The following CEP170B variants were observed in gnomAD, a reference collection of about 807,000 sequenced individuals.
CEP170B encodes the protein centrosomal protein of 170 kDa protein B.
Under a neutral mutation model 120.6 loss-of-function variants are expected in CEP170B, and 55 were observed. The ratio of observed to expected loss-of-function variants is 0.46; its 90% confidence interval spans 0.37 to 0.57. CEP170B has a LOEUF of 0.57. Among genes scored for constraint, CEP170B ranks in the 20% least tolerant of loss-of-function variants. CEP170B has a pLI of 0.00. For synonymous variants in CEP170B, 1,033 were observed against 954.5 expected, an observed-to-expected ratio of 1.08 and a Z score of -1.52; for missense variants, 2,212 against 2,253.3, an observed-to-expected ratio of 0.98 and a Z score of 0.37.
intron 6 of CEP170B, among the ~76,000 whole-genome samples, chr14:104,880,855 ACAC>A (rs1319455085): frequency 6.9e-6 from 1 of 145,764 alleles, no homozygotes; most frequent in Non-Finnish European, 1.5e-5. Flanking sequence ...ACCCCTGTAC[ACAC>A]ATCTACCTGT....
In CEP170B at chr14:104,868,558, T is replaced by G; in HGVS notation, c.105+3T>G. 3 of 1,548,954 alleles carry G rather than the reference T, an allele frequency of 1.9e-6. No homozygotes were observed. The highest frequency in any genetic ancestry group is 2.6e-6 in the Non-Finnish European group (3 of 1,146,692). On this transcript the variant is annotated splice_donor_region_variant and intron_variant, in intron 2 of 18. Transcript: ENST00000414716. This position sits in a 1 kb window ranked among gnomAD's most constrained non-coding sequence, Gnocchi z 5.9. ...AGGAGTGTGAGCTCATGCTACAGGT[T>G]TGCAGGGAGCGCTTGGGGCCAGGAG...
intron 6 of CEP170B, 100 bp from the exon 7 acceptor site, chr14:104,882,628 G>C (rs528064601): frequency 1.1e-6 from 1 of 920,224 alleles, no homozygotes; most frequent in Non-Finnish European, 1.6e-6. Flanking sequence ...GTGATGCCAG[G>C]GCCTGCCCCA....
At chr14:104,884,990 G>T (rs1271264712) in intron 9 of CEP170B, among the ~76,000 whole-genome samples, 1 of 132,756 alleles carries the variant, frequency 7.5e-6, no homozygotes, top group African/African-American at 2.8e-5. Flanking sequence ...GAGAGCCCTC[G>T]TGGGGAATCG....
intron 1 of CEP170B, among the ~76,000 whole-genome samples, chr14:104,866,105 GT>G (rs1356488089): frequency 8.5e-5 from 13 of 152,090 alleles, no homozygotes; most frequent in Non-Finnish European, 1.5e-4. Flanking sequence ...AGTTTGGGGC[GT>G]TTATTATTCT....
At chr14:104,872,428 C>CGG (rs1895602404) in intron 2 of CEP170B, among the ~76,000 whole-genome samples, 1 of 29,218 alleles carries the variant, frequency 3.4e-5, no homozygotes, top group Non-Finnish European at 9.5e-5. Flanking sequence ...GTGTGCCGTG[C>CGG]GTGTGTGCGT....
intron 2 of CEP170B, among the ~76,000 whole-genome samples, chr14:104,875,130 T>C (rs1194467600): frequency 6.6e-6 from 1 of 152,138 alleles, no homozygotes; most frequent in African/African-American, 2.4e-5. Flanking sequence ...CGTGGCAGGC[T>C]AAGAGTGACC....
chr14:104,868,685 G>C lies in CEP170B; in HGVS notation c.105+130G>C. The C allele has an allele frequency of 2.3e-6, 2 of 887,876 alleles. No homozygotes were observed. The allele number at this position is 887,876 out of a possible 1,614,324, so 55.0% of individuals were successfully genotyped here. A position where few individuals can be genotyped will look rare whatever the true frequency, so the allele number is the denominator to read the frequency against. ...GAGGCCGCCATGCAGCCCAGGCTGG[G>C]CCTCTTAACTTGGGTCCCGGATGCA... is the stretch of plus-strand genomic sequence containing the variant. On this transcript the variant is annotated intron_variant, in intron 2 of 18. Coordinates refer to ENST00000414716, the MANE Select transcript of CEP170B (RefSeq NM_001112726.3). This position sits in a 1 kb window ranked among gnomAD's most constrained non-coding sequence, Gnocchi z 5.9.
In CEP170B at chr14:104,880,431, C is replaced by A. The variant is rs747481597; in HGVS notation, c.472+6C>A. ...GGACCGGAGACCAGGAACAGGTAGGCCCAGGCAGTGCGGATGGGGTGAGCA... is the reference window on the plus strand; with the variant it reads ...GGACCGGAGACCAGGAACAGGTAGGACCAGGCAGTGCGGATGGGGTGAGCA... On this transcript the variant is annotated splice_donor_region_variant and intron_variant, in intron 6 of 18. Coordinates refer to ENST00000414716, the MANE Select transcript of CEP170B (RefSeq NM_001112726.3). The A allele has an allele frequency of 1.9e-6, 3 of 1,611,038 alleles. No individual in the cohort carries two copies. Among genetic ancestry groups the A allele is most frequent in the African/African-American group, 1.3e-5 (1 of 74,838 alleles).
At chr14:104,877,694 C>T (rs1034250429) in intron 3 of CEP170B, among the ~76,000 whole-genome samples, 191 bp from the exon 4 acceptor site, 5 of 152,174 alleles carry the variant, frequency 3.3e-5, no homozygotes, top group Non-Finnish European at 5.9e-5. Context: ...CCTGCCATGG[C>T]TGTGGAACTT....
At chr14:104,879,741 G>A (rs889842238) in intron 5 of CEP170B, among the ~76,000 whole-genome samples, 6 of 152,174 alleles carry the variant, frequency 3.9e-5, no homozygotes, top group Admixed American at 3.3e-4. Flanking sequence ...GTGTGCTGGC[G>A]ACACGCACAG....
chr14:104,872,209 G>A (rs532609678), intron 2 of CEP170B, among the ~76,000 whole-genome samples: 15 of 143,454 alleles, frequency 1.0e-4, no homozygotes, highest in South Asian at 4.5e-4. Context: ...GTGGGTGTGC[G>A]TGTGTGTACC....
In CEP170B at chr14:104,893,644, C is replaced by T. The variant is rs764769309; in HGVS notation, c.4160C>T (p.Thr1387Met). 2.6e-5 allele frequency: 41 copies of T among 1,591,474 alleles called. No homozygotes were observed. In the East Asian group the frequency reaches 5.3e-4, roughly 20 times the overall value. Residue 1387 changes from threonine to methionine, a missense_variant, in exon 15 of 19, where the codon ACG (threonine) becomes ATG (methionine). Physicochemically the swap from Thr to Met is moderately conservative, Grantham distance 81. Transcript: ENST00000414716. ...TGTGAGGACGCCCTGGCCAACAAGA[C>T]GCGGCCTCGGAACCGAGAGGAGGCA... ...DSCEDALANK[T>M]RPRNREEVIF...
At chr14:104,872,343 T>TGTGCGTGG (rs1566852348) in intron 2 of CEP170B, among the ~76,000 whole-genome samples, 748 of 32,938 alleles carry the variant, frequency 0.023, 113 homozygotes, top group African/African-American at 0.042. Flanking sequence ...GGTGTGCGTG[T>TGTGCGTGG]GTGTGCGTGT....
Position 104,873,749 on chromosome 14 carries a change from C to T in CEP170B, c.106-2507C>T, listed in dbSNP as rs1335251705. ...CATCCAAGTCACCCGCCCTCAGCCA[C>T]CTCAGCCCTTTCCAGAGGGGACAGG... On this transcript the variant is annotated intron_variant, in intron 2 of 18. Transcript: ENST00000414716. Among the ~76,000 whole-genome samples, 3 of 152,262 alleles carry T rather than the reference C, an allele frequency of 2.0e-5. No homozygotes were observed. In the East Asian group the frequency reaches 5.8e-4, roughly 29 times the overall value.
intron 2 of CEP170B, among the ~76,000 whole-genome samples, chr14:104,874,467 C>A (rs1441995913): frequency 6.6e-6 from 1 of 152,124 alleles, no homozygotes; most frequent in Non-Finnish European, 1.5e-5. Flanking sequence ...CCAGGGAGGG[C>A]ATGTGGGGCA....
intron 18 of CEP170B, 46 bp downstream of exon 18, chr14:104,894,634 C>G (rs1896998350): frequency 6.3e-7 from 1 of 1,597,156 alleles, no homozygotes; most frequent in Admixed American, 1.7e-5. Context: ...CTGGCAGGGC[C>G]TTGTGGGGAA....
chr14:104,885,519 G>A lies in CEP170B; in HGVS notation c.1921G>A (p.Ala641Thr). ...GGAGTTTGCCTCCCGGCCACTGGGT[G>A]CGGCCCCCCAGGCGGAGCACCAGGT... ...LQEFASRPLG[A>T]APQAEHQGLP... The change falls in exon 10 of 19, where the codon GCG (alanine) becomes ACG (threonine). Residue 641 changes from alanine (A) to threonine (T), a missense_variant. Physicochemically the swap from Ala to Thr is moderately conservative, Grantham distance 58. This residue lies in a region of CEP170B where 2,166 missense variants were observed against 2,166.7 expected (regional missense o/e 1.00). Transcript: ENST00000414716. The A allele has an allele frequency of 1.9e-6, 3 of 1,566,290 alleles. No homozygotes were observed. The highest frequency in any genetic ancestry group is 2.6e-6 in the Non-Finnish European group (3 of 1,158,918).
In CEP170B at chr14:104,867,633, C is replaced by T. The variant is rs1332529125; in HGVS notation, c.-27-791C>T. 6.6e-6 allele frequency among the ~76,000 whole-genome samples: 1 copy of T among 152,132 alleles called. No homozygotes were observed. Among genetic ancestry groups the T allele is most frequent in the Non-Finnish European group, 1.5e-5 (1 of 68,000 alleles). ...CCAGGGTTGGGTCTTGGGGTGACATCAGCCCTGGCCATTACTCAGGCTGTC... is the reference window on the plus strand; with the variant it reads ...CCAGGGTTGGGTCTTGGGGTGACATTAGCCCTGGCCATTACTCAGGCTGTC... On this transcript the variant is annotated intron_variant, in intron 1 of 18. Transcript: ENST00000414716. This position sits in a 1 kb window ranked among gnomAD's most constrained non-coding sequence, Gnocchi z 5.4.
chr14:104,884,343 G>A lies in CEP170B; in HGVS notation c.1564G>A (p.Val522Ile), dbSNP rs1017278315. Residue 522 changes from valine (V) to isoleucine (I), a missense_variant, in exon 9 of 19, where the codon GTT becomes ATT. Physicochemically the swap from Val to Ile is conservative, Grantham distance 29. This residue lies in a region of CEP170B where 2,166 missense variants were observed against 2,166.7 expected (regional missense o/e 1.00). Transcript: ENST00000414716. ...SPAARPSPEK[V>I]PPVLPAPLTP... ...GGCCGCCCGGCCCAGCCCCGAGAAG[G>A]TTCCTCCGGTGCTGCCCGCTCCCCT... The A allele has an allele frequency of 1.0e-5, 16 of 1,544,536 alleles. No individual in the cohort carries two copies. The African/African-American group carries it at 1.5e-4, about 15-fold the overall frequency.
Sources: allele counts gnomAD v4.1 joint callset (sites outside exome capture counted in the v4.1 genomes callset), GRCh38; gene constraint gnomAD v4.1.1; regional missense constraint gnomAD v4.1.1; non-coding constraint Gnocchi (gnomAD v3.1); transcripts MANE v1.5; gene names NCBI Gene and HGNC (gene_info 2026-07-23, HGNC 2026-07-21).